The following DLG2 variants were observed in gnomAD, a reference collection of about 807,000 sequenced individuals.
DLG2 encodes the protein disks large homolog 2.
A neutral mutation model predicts 132.5 loss-of-function variants in DLG2; 45 were observed. That is an observed-to-expected ratio of 0.34 (90% CI 0.27 to 0.44). DLG2 has a LOEUF of 0.44. DLG2 is among the 20% of genes least tolerant of loss of function. DLG2 has a pLI of 1.00. For synonymous variants in DLG2, 424 were observed against 419.6 expected, an observed-to-expected ratio of 1.01 and a Z score of -0.13; for missense variants, 1,045 against 1,196.9, an observed-to-expected ratio of 0.87 and a Z score of 1.87.
chr11:84,339,619 T>A (rs533414027), intron 7 of DLG2, among the ~76,000 whole-genome samples: 3 of 152,274 alleles, frequency 2.0e-5, no homozygotes, highest in Admixed American at 6.5e-5. Flanking sequence ...TTTTTCCAAT[T>A]TAAGAAGGAG....
intron 7 of DLG2, among the ~76,000 whole-genome samples, chr11:84,399,663 C>T (rs1207393256): frequency 2.0e-5 from 3 of 152,140 alleles, no homozygotes; most frequent in Non-Finnish European, 2.9e-5. Context: ...GTTATCCACC[C>T]ATCTCAGCCT....
intron 3 of DLG2, among the ~76,000 whole-genome samples, chr11:85,496,638 T>G (rs1451590280): frequency 1.3e-5 from 2 of 152,172 alleles, no homozygotes; most frequent in Admixed American, 6.5e-5. Flanking sequence ...CTGATCCCCA[T>G]GTAGCCTGAC....
chr11:83,893,633 C>A (rs527952635), intron 15 of DLG2, among the ~76,000 whole-genome samples: 3 of 152,158 alleles, frequency 2.0e-5, no homozygotes, highest in East Asian at 1.9e-4. Context: ...TGATTACTCA[C>A]GGAAATTATC....
intron 6 of DLG2, among the ~76,000 whole-genome samples, chr11:84,649,195 C>T (rs2099678606): frequency 6.6e-6 from 1 of 152,136 alleles, no homozygotes. Context: ...AGAAGTTCCA[C>T]AAACCTTAGA....
intron 9 of DLG2, among the ~76,000 whole-genome samples, chr11:84,118,247 G>A (rs1165165067): frequency 1.3e-5 from 2 of 152,082 alleles, no homozygotes; most frequent in African/African-American, 4.8e-5. Flanking sequence ...AAAAGATCAA[G>A]CAGTTCACCA....
At chr11:83,596,951 A>T (rs1160691431) in intron 19 of DLG2, among the ~76,000 whole-genome samples, 1 of 152,060 alleles carries the variant, frequency 6.6e-6, no homozygotes, top group African/African-American at 2.4e-5. Context: ...CCTACCTTAG[A>T]TTCCTCACTG....
chr11:83,732,850 G>C (rs747778083), intron 18 of DLG2, among the ~76,000 whole-genome samples: 1 of 152,154 alleles, frequency 6.6e-6, no homozygotes, highest in Non-Finnish European at 1.5e-5. Context: ...AAACACTTTC[G>C]CTGAGGTAGA....
intron 18 of DLG2, among the ~76,000 whole-genome samples, chr11:83,651,225 G>A (rs1049301650): frequency 2.0e-5 from 3 of 151,838 alleles, no homozygotes; most frequent in African/African-American, 4.8e-5. Flanking sequence ...ACTGAGTTTA[G>A]GTTAAAAAAA....
chr11:84,270,288 G>A lies in DLG2; in HGVS notation c.520-18997C>T, dbSNP rs1432670566. Among the ~76,000 whole-genome samples, 3 of 152,320 alleles carry A rather than the reference G, an allele frequency of 2.0e-5. No individual in the cohort carries two copies. The East Asian group carries it at 5.8e-4, about 29-fold the overall frequency. ...GCCAGACACTTAGGCTAAAAGATAA[G>A]AAAAGTTCTGTGTTGCTGTTTTGCA... On this transcript the variant is annotated intron_variant, in intron 7 of 27. Transcript: ENST00000376104.
At chr11:85,167,600 C>T (rs906888676) in intron 4 of DLG2, among the ~76,000 whole-genome samples, 1 of 152,208 alleles carries the variant, frequency 6.6e-6, no homozygotes, top group East Asian at 1.9e-4. Context: ...AACAAACAGG[C>T]CTTAAGTCTG....
At chr11:84,821,244 A>T (rs186287048) in intron 6 of DLG2, among the ~76,000 whole-genome samples, 2 of 151,980 alleles carry the variant, frequency 1.3e-5, no homozygotes, top group African/African-American at 4.8e-5. Flanking sequence ...ACTTTCACTT[A>T]CTACAATCTT....
chr11:84,918,093 G>T (rs2092577451), intron 6 of DLG2, among the ~76,000 whole-genome samples: 1 of 152,174 alleles, frequency 6.6e-6, no homozygotes, highest in African/African-American at 2.4e-5. Context: ...AGCATAAGGA[G>T]ACAGAGTTTC....
At chr11:83,722,574 TC>T (rs1020334695) in intron 18 of DLG2, among the ~76,000 whole-genome samples, 1 of 152,054 alleles carries the variant, frequency 6.6e-6, no homozygotes, top group Non-Finnish European at 1.5e-5. Context: ...GGGGAGTGAC[TC>T]CAGGCTGGTT....
chr11:83,770,290 T>C (rs2153788836), intron 18 of DLG2, among the ~76,000 whole-genome samples: 1 of 150,718 alleles, frequency 6.6e-6, no homozygotes, highest in East Asian at 1.9e-4. Context: ...GTACAAAGAT[T>C]AGTTTCAATG....
chr11:84,284,892 T>C (rs2097893191), intron 7 of DLG2, among the ~76,000 whole-genome samples: 1 of 152,228 alleles, frequency 6.6e-6, no homozygotes, highest in African/African-American at 2.4e-5. Flanking sequence ...GCCTGGCATA[T>C]AACAAAGGAC....
chr11:84,015,779 C>T (rs1473447579), intron 11 of DLG2, among the ~76,000 whole-genome samples: 1 of 152,136 alleles, frequency 6.6e-6, no homozygotes, highest in African/African-American at 2.4e-5. Flanking sequence ...TTTATCTAGT[C>T]TATCACTGAT....
chr11:85,605,341 TG>T (rs58337527), intron 2 of DLG2, among the ~76,000 whole-genome samples: 7,199 of 152,258 alleles, frequency 0.047, 550 homozygotes, highest in African/African-American at 0.16. Flanking sequence ...CATATTTTTA[TG>T]GAAAAAATAA....
intron 3 of DLG2, among the ~76,000 whole-genome samples, chr11:85,520,779 A>G (rs770993598): frequency 9.2e-5 from 14 of 152,190 alleles, no homozygotes; most frequent in Non-Finnish European, 1.3e-4. Flanking sequence ...AGTCTCCTCA[A>G]TAAAGGGTGC....
chr11:84,661,029 G>T (rs1342530900), intron 6 of DLG2, among the ~76,000 whole-genome samples: 1 of 152,146 alleles, frequency 6.6e-6, no homozygotes, highest in African/African-American at 2.4e-5. Context: ...ATTAATTAAA[G>T]TTAGTGTGCA....
Sources: allele counts gnomAD v4.1 joint callset (sites outside exome capture counted in the v4.1 genomes callset), GRCh38; gene constraint gnomAD v4.1.1; transcripts MANE v1.5; gene names NCBI Gene and HGNC (gene_info 2026-07-23, HGNC 2026-07-21).